GRID1: variants seen among roughly 807,000 people sequenced by gnomAD.
The protein encoded by GRID1 is glutamate receptor ionotropic, delta-1.
A neutral mutation model predicts 98.0 loss-of-function variants in GRID1; 28 were observed. The ratio of observed to expected loss-of-function variants is 0.29; its 90% CI spans 0.21 to 0.39. The LOEUF (loss-of-function observed/expected upper bound fraction) is 0.39, where lower values mean the gene tolerates loss of function less well. Ranked by LOEUF, GRID1 falls within the 10% of genes least tolerant of loss-of-function variation. The pLI, the probability that GRID1 is intolerant of heterozygous loss-of-function variation, is 1.00. For synonymous variants in GRID1, 553 were observed against 538.5 expected, an observed-to-expected ratio of 1.03 and a Z score of -0.37; for missense variants, 1,111 against 1,340.5, an observed-to-expected ratio of 0.83 and a Z score of 2.67.
intron 2 of GRID1, among the ~76,000 whole-genome samples, chr10:86,324,512 A>G (rs1848016229): frequency 6.6e-6 from 1 of 152,160 alleles, no homozygotes; most frequent in South Asian, 2.1e-4. Flanking sequence ...AGGGATGCCA[A>G]ACGCCCTGTG....
At chr10:86,126,362 G>A (rs1207881470) in intron 4 of GRID1, among the ~76,000 whole-genome samples, 1 of 152,352 alleles carries the variant, frequency 6.6e-6, no homozygotes, top group Admixed American at 6.5e-5. Context: ...GGCTGAGGCA[G>A]AGAATTGCTT....
At chr10:85,634,111 C>A (rs376775768) in intron 13 of GRID1, among the ~76,000 whole-genome samples, 1 of 149,882 alleles carries the variant, frequency 6.7e-6, no homozygotes, top group Non-Finnish European at 1.5e-5. Flanking sequence ...GCGGAGGTGG[C>A]GGTGAGCCAA....
At chr10:85,867,124 C>T (rs1843228573) in intron 6 of GRID1, among the ~76,000 whole-genome samples, 1 of 152,138 alleles carries the variant, frequency 6.6e-6, no homozygotes, top group Admixed American at 6.5e-5. Flanking sequence ...CTTTTTGCAT[C>T]CAATGTGTCT....
At chr10:85,949,905 G>GGCATGGAT (rs111316770) in intron 4 of GRID1, among the ~76,000 whole-genome samples, 1 of 149,748 alleles carries the variant, frequency 6.7e-6, no homozygotes, top group African/African-American at 2.5e-5. Context: ...GAGAACTATA[G>GGCATGGAT]GGATGGATGG....
intron 8 of GRID1, among the ~76,000 whole-genome samples, chr10:85,786,939 A>T (rs924160453): frequency 3.3e-5 from 5 of 152,210 alleles, no homozygotes; most frequent in Admixed American, 6.5e-5. Flanking sequence ...GCCTCTCTCC[A>T]GCCTGCCTGG....
intron 2 of GRID1, among the ~76,000 whole-genome samples, chr10:86,317,347 A>G (rs1847913797): frequency 6.6e-6 from 1 of 152,228 alleles, no homozygotes. Flanking sequence ...CCTGCAGAGT[A>G]AAGGAAAGCA....
intron 3 of GRID1, among the ~76,000 whole-genome samples, chr10:86,150,422 C>T (rs548444251): frequency 3.9e-5 from 6 of 152,360 alleles, no homozygotes; most frequent in African/African-American, 1.2e-4. Context: ...CACATCATTG[C>T]TTTGAGGGAG....
intron 12 of GRID1, among the ~76,000 whole-genome samples, chr10:85,706,166 C>G (rs1481609538): frequency 1.3e-5 from 2 of 152,158 alleles, no homozygotes; most frequent in Non-Finnish European, 2.9e-5. Context: ...AAGAGGAAGT[C>G]AAATTGTCCC....
At chr10:85,698,026 T>C (rs890983990) in intron 12 of GRID1, among the ~76,000 whole-genome samples, 1 of 152,122 alleles carries the variant, frequency 6.6e-6, no homozygotes, top group Non-Finnish European at 1.5e-5. Context: ...CTTGATGGTG[T>C]ACGGTGAGTA....
intron 12 of GRID1, among the ~76,000 whole-genome samples, chr10:85,693,958 T>C (rs1173537927): frequency 6.6e-6 from 1 of 152,106 alleles, no homozygotes; most frequent in Non-Finnish European, 1.5e-5. Context: ...TCTGCAAAGC[T>C]AAAGAAGTAG....
chr10:85,824,900 T>C (rs978174913), intron 8 of GRID1, among the ~76,000 whole-genome samples: 1 of 152,356 alleles, frequency 6.6e-6, no homozygotes, highest in African/African-American at 2.4e-5. Flanking sequence ...TATGGCTCAG[T>C]AGTATGCCAC....
At chr10:85,705,020 A>C (rs1841499097) in intron 12 of GRID1, among the ~76,000 whole-genome samples, 1 of 152,242 alleles carries the variant, frequency 6.6e-6, no homozygotes, top group African/African-American at 2.4e-5. Context: ...GAAAGCAGGA[A>C]AGATCTAAAA....
intron 4 of GRID1, among the ~76,000 whole-genome samples, chr10:85,963,099 C>T (rs542731131): frequency 2.1e-4 from 32 of 152,244 alleles, no homozygotes; most frequent in Admixed American, 2.0e-3. Flanking sequence ...TCTTTATTTA[C>T]TTCCCTTGCT....
intron 4 of GRID1, among the ~76,000 whole-genome samples, chr10:85,951,475 AC>A (rs1385280500): frequency 6.6e-6 from 1 of 152,132 alleles, no homozygotes; most frequent in Non-Finnish European, 1.5e-5. Flanking sequence ...TCTTTCACAT[AC>A]AACCAAAACA....
intron 2 of GRID1, among the ~76,000 whole-genome samples, chr10:86,301,951 C>T (rs1842314122): frequency 6.6e-6 from 1 of 152,196 alleles, no homozygotes; most frequent in Admixed American, 6.5e-5. Flanking sequence ...ATATTTGCAC[C>T]CCCAAAAATG....
At chr10:85,970,060 CTAAA>C (rs1014083365) in intron 4 of GRID1, among the ~76,000 whole-genome samples, 1 of 151,614 alleles carries the variant, frequency 6.6e-6, no homozygotes, top group Non-Finnish European at 1.5e-5. Flanking sequence ...TGACAACAAA[CTAAA>C]TAAGCGAACT....
At position 86,240,363 on chromosome 10, in the gene GRID1, T is replaced by C. The variant is rs986209597; in HGVS notation, c.236-33715A>G. ...CATGAGCTTCCTGGGAGCTAGAACC[T>C]GGCCTGGGATTGTGCCTGGCTCACA... On this transcript the variant is annotated intron_variant, in intron 2 of 15. Coordinates refer to ENST00000327946, the MANE Select transcript of GRID1 (RefSeq NM_017551.3). Among the ~76,000 whole-genome samples, 6 of 152,178 alleles carry C rather than the reference T, an allele frequency of 3.9e-5. 1 individual carries two copies. Among genetic ancestry groups the C allele is most frequent in the Admixed American group, 3.9e-4 (6 of 15,290 alleles).
chr10:85,606,465 G>A (rs1405138598), intron 15 of GRID1: 1 of 152,162 alleles, frequency 6.6e-6, no homozygotes, highest in Non-Finnish European at 1.5e-5. Context: ...CTCTTATTTT[G>A]GTTATTTAAC....
intron 2 of GRID1, among the ~76,000 whole-genome samples, chr10:86,245,664 T>C (rs1022871278): frequency 2.0e-5 from 3 of 152,194 alleles, no homozygotes; most frequent in African/African-American, 7.2e-5. Flanking sequence ...CCCCAAGTGG[T>C]GAATGGGCAT....
Sources: allele counts gnomAD v4.1 joint callset (sites outside exome capture counted in the v4.1 genomes callset), GRCh38; gene constraint gnomAD v4.1.1; transcripts MANE v1.5; gene names NCBI Gene and HGNC (gene_info 2026-07-23, HGNC 2026-07-21).